Variants in MANF observed in about 807,000 individuals in gnomAD.
MANF encodes mesencephalic astrocyte-derived neurotrophic factor.
MANF carries 9 observed loss-of-function variants against 19.1 expected under a neutral mutation model. That is an observed-to-expected ratio of 0.47 (90% CI 0.28 to 0.82). The LOEUF (loss-of-function observed/expected upper bound fraction) is 0.82, where lower values mean the gene tolerates loss of function less well. Among genes scored for constraint, MANF ranks in the 40% least tolerant of loss-of-function variants. MANF has a pLI of 0.10. For missense variants in MANF, 225 were observed against 226.7 expected (o/e 0.99, Z 0.05); for synonymous variants, 89 against 88.0 (o/e 1.01, Z -0.06).
In MANF at chr3:51,386,142, G is replaced by A. The variant is rs1418252501; in HGVS notation, c.95-66G>A. On this transcript the variant is annotated intron_variant, in intron 1 of 3. Coordinates refer to ENST00000528157, the MANE Select transcript of MANF (RefSeq NM_006010.6). ...GTCTCCTATTAAAATTGCTGGCGGA[G>A]TTCTTTTCTGGTGGATTGGAACAGC... 4 of 1,572,330 alleles carry A rather than the reference G, an allele frequency of 2.5e-6. No individual in the cohort carries two copies. The African/African-American group carries it at 5.4e-5, about 21-fold the overall frequency.
At position 51,389,290 on chromosome 3, in the gene MANF, G is replaced by T; in HGVS notation, c.*201G>T. ...TCCTTCTGTTGCTGGTGTACTCTAGGACTTCAAAGTGTGTCTGGGATTTTT... is the reference window on the plus strand; with the variant it reads ...TCCTTCTGTTGCTGGTGTACTCTAGTACTTCAAAGTGTGTCTGGGATTTTT... On this transcript the variant is annotated 3_prime_UTR_variant, in exon 4 of 4. Coordinates refer to ENST00000528157, the MANE Select transcript of MANF (RefSeq NM_006010.6). 2.0e-6 allele frequency: 1 copy of T among 506,826 alleles called. No individual in the cohort carries two copies. Among genetic ancestry groups the T allele is most frequent in the Non-Finnish European group, 3.4e-6 (1 of 293,906 alleles). The allele number at this position is 506,826 out of a possible 1,614,324, so 31.4% of individuals were successfully genotyped here. A position where few individuals can be genotyped will look rare whatever the true frequency, so the allele number is the denominator to read the frequency against.
chr3:51,389,323 A>AC lies in MANF; in HGVS notation c.*234_*235insC. 4.4e-6 allele frequency: 2 copies of AC among 452,008 alleles called. No homozygotes were observed. The highest frequency in any genetic ancestry group is 7.7e-6 in the Non-Finnish European group (2 of 259,468). 28.0% of individuals were successfully genotyped at this position (452,008 alleles called of 1,614,324 possible). A position where few individuals can be genotyped will look rare whatever the true frequency, so the allele number is the denominator to read the frequency against. On this transcript the variant is annotated 3_prime_UTR_variant, in exon 4 of 4. Coordinates refer to ENST00000528157, the MANE Select transcript of MANF (RefSeq NM_006010.6). ...AGTGTGTCTGGGATTTTTTTATTAA[A>AC]GAAAAAAAATTTCTAGCTGTCCTTG...
rs782533061 is a variant in MANF at position 51,388,957 on chromosome 3, G to A, written c.417G>A (p.Glu139=). The change falls in exon 4 of 4, where the codon GAG becomes GAA. Residue 139 remains glutamate, a synonymous_variant. Transcript: ENST00000528157. ...TVDLKKLRVK[E]LKKILDDWGE... is the part of the protein sequence containing the mutation. ...ACCTGAAGAAGCTCCGAGTTAAAGAGCTGAAGAAGATTCTGGATGACTGGG... is the reference window on the plus strand; with the variant it reads ...ACCTGAAGAAGCTCCGAGTTAAAGAACTGAAGAAGATTCTGGATGACTGGG... 1 of 1,598,300 alleles carries A rather than the reference G, an allele frequency of 6.3e-7. No individual in the cohort carries two copies. The highest frequency in any genetic ancestry group is 2.3e-5 in the East Asian group (1 of 44,276).
chr3:51,387,935 C>A, intron 3 of MANF, 57 bp downstream of exon 3: 1 of 1,567,298 alleles, frequency 6.4e-7, no homozygotes. Flanking sequence ...GTTTGTTTCC[C>A]ATCTGGGAGA....
chr3:51,389,291 A>T lies in MANF; in HGVS notation c.*202A>T, dbSNP rs1553621218. On this transcript the variant is annotated 3_prime_UTR_variant, in exon 4 of 4. Coordinates refer to ENST00000528157, the MANE Select transcript of MANF (RefSeq NM_006010.6). The stretch of plus-strand genomic sequence containing the variant: ...CCTTCTGTTGCTGGTGTACTCTAGG[A>T]CTTCAAAGTGTGTCTGGGATTTTTT... 5.9e-6 allele frequency: 3 copies of T among 505,368 alleles called. No individual in the cohort carries two copies. The allele number at this position is 505,368 out of a possible 1,614,324, so 31.3% of individuals were successfully genotyped here. A position where few individuals can be genotyped will look rare whatever the true frequency, so the allele number is the denominator to read the frequency against.
intron 2 of MANF, among the ~76,000 whole-genome samples, chr3:51,386,743 G>A (rs1263645799): frequency 6.6e-6 from 1 of 152,240 alleles, no homozygotes; most frequent in Non-Finnish European, 1.5e-5. Flanking sequence ...ACAGCAGTGT[G>A]AGTGCCCAGA....
At chr3:51,385,758 T>C in intron 1 of MANF, 1 of 293,294 alleles carries the variant, frequency 3.4e-6, no homozygotes, top group Non-Finnish European at 6.3e-6. Context: ...CGTCGGGAGC[T>C]CCAGGGCTGG....
At chr3:51,386,425 T>TGGTTATCATTGAAGTGGGGTAAGACCATC in intron 2 of MANF, 90 bp downstream of exon 2, 1 of 1,452,020 alleles carries the variant, frequency 6.9e-7, no homozygotes, top group Non-Finnish European at 9.5e-7. Context: ...TGCCCACCTC[T>TGGTTATCATTGAAGTGGGGTAAGACCATC]CTGTTCAGGA....
In MANF at chr3:51,389,195, G is replaced by A. The variant is rs2088996977; in HGVS notation, c.*106G>A. ...TTTTAAGTGGGCTCCTGACAATACT[G>A]TATCAGATGTGAAGCCTGGAGCTTT... On this transcript the variant is annotated 3_prime_UTR_variant, in exon 4 of 4. Transcript: ENST00000528157. The A allele has an allele frequency of 2.1e-6, 2 of 963,176 alleles. No homozygotes were observed. The highest frequency in any genetic ancestry group is 5.3e-5 in the East Asian group (2 of 37,470). 59.7% of individuals were successfully genotyped at this position (963,176 alleles called of 1,614,324 possible). A position where few individuals can be genotyped will look rare whatever the true frequency, so the allele number is the denominator to read the frequency against.
chr3:51,387,874 G>T lies in MANF; in HGVS notation c.360G>T (p.Lys120Asn), dbSNP rs782793644. The T allele has an allele frequency of 1.9e-6, 3 of 1,613,446 alleles. No homozygotes were observed. The highest frequency in any genetic ancestry group is 1.3e-5 in the African/African-American group (1 of 74,922). ...KKKDSQICEL[K>N]YDKQIDLSTV... ...AGGACAGCCAGATATGTGAGCTTAA[G>T]TATGGTGAGTATGCCTAGTCCTTTC... The change falls in exon 3 of 4, where the codon AAG (lysine) becomes AAT (asparagine). Residue 120 changes from lysine (K) to asparagine (N), a missense_variant. Transcript: ENST00000528157.
chr3:51,386,149 T>A, intron 1 of MANF, 59 bp from the exon 2 acceptor site: 1 of 1,589,780 alleles, frequency 6.3e-7, no homozygotes, highest in Non-Finnish European at 8.6e-7. Flanking sequence ...GGAGTTCTTT[T>A]CTGGTGGATT....
intron 2 of MANF, among the ~76,000 whole-genome samples, chr3:51,387,507 C>A (rs1553621028): frequency 4.0e-5 from 6 of 151,636 alleles, no homozygotes; most frequent in Non-Finnish European, 8.8e-5. Flanking sequence ...TGGTGGCCCA[C>A]ACCGGTAGAC....
chr3:51,387,939 T>G, intron 3 of MANF, 61 bp downstream of exon 3: 1 of 1,553,052 alleles, frequency 6.4e-7, no homozygotes, highest in East Asian at 2.3e-5. Context: ...GTTTCCCATC[T>G]GGGAGAGGAA....
intron 1 of MANF, 123 bp from the exon 2 acceptor site, chr3:51,386,085 G>A (rs2106637160): frequency 9.0e-7 from 1 of 1,107,798 alleles, no homozygotes; most frequent in Admixed American, 2.4e-5. Flanking sequence ...AATCGGTGAT[G>A]GAAAAGCTCA....
intron 3 of MANF, 21 bp downstream of exon 3, chr3:51,387,899 C>T (rs782606645): frequency 1.9e-6 from 3 of 1,611,670 alleles, no homozygotes; most frequent in African/African-American, 2.7e-5. Context: ...CTAGTCCTTT[C>T]TTAATGAATG....
rs2088991846 is a variant in MANF at position 51,388,970 on chromosome 3, C to G, written c.430C>G (p.Leu144Val). 1.2e-6 allele frequency: 2 copies of G among 1,602,690 alleles called. No individual in the cohort carries two copies. The highest frequency in any genetic ancestry group is 1.7e-6 in the Non-Finnish European group (2 of 1,174,240). ...KLRVKELKKI[L>V]DDWGETCKGC... ...CCGAGTTAAAGAGCTGAAGAAGATTCTGGATGACTGGGGGGAGACATGCAA... is the reference window on the plus strand; with the variant it reads ...CCGAGTTAAAGAGCTGAAGAAGATTGTGGATGACTGGGGGGAGACATGCAA... The change falls in exon 4 of 4, where the codon CTG becomes GTG. Residue 144 changes from leucine (L) to valine (V), a missense_variant. By Grantham distance (32) the Leu-to-Val change is conservative. Coordinates refer to ENST00000528157, the MANE Select transcript of MANF (RefSeq NM_006010.6).
chr3:51,389,113 G>A lies in MANF; in HGVS notation c.*24G>A, dbSNP rs1553621208. 1 of 1,593,170 alleles carries A rather than the reference G, an allele frequency of 6.3e-7. No individual in the cohort carries two copies. Among genetic ancestry groups the A allele is most frequent in the South Asian group, 1.2e-5 (1 of 86,530 alleles). ...AGTCTGCTCAATCTCTGTTGCACCT[G>A]AGGGGGAAAAAACAGTTCAACTGCT... On this transcript the variant is annotated 3_prime_UTR_variant, in exon 4 of 4. Transcript: ENST00000528157.
At chr3:51,387,686 G>A (rs1320607709) in intron 2 of MANF, 51 bp from the exon 3 acceptor site, 24 of 1,568,890 alleles carry the variant, frequency 1.5e-5, no homozygotes, top group Non-Finnish European at 1.8e-5. Flanking sequence ...TATGTTTGGA[G>A]GAGATGGCTC....
At chr3:51,388,166 AGCATTGCAG>A (rs1349394052) in intron 3 of MANF, among the ~76,000 whole-genome samples, 2 of 152,132 alleles carry the variant, frequency 1.3e-5, no homozygotes, top group Non-Finnish European at 2.9e-5. Context: ...CAAGTCAGAG[AGCATTGCAG>A]GCTGGTGAGG....
Sources: gnomAD v4.1 joint callset for allele counts (sites outside exome capture counted in the v4.1 genomes callset) on GRCh38, gnomAD v4.1.1 for gene constraint, MANE v1.5 for transcripts, NCBI Gene and HGNC (gene_info 2026-07-23, HGNC 2026-07-21) for gene names.